The following MEF2C variants were observed in gnomAD, a reference collection of about 807,000 sequenced individuals.
The protein encoded by MEF2C is myocyte enhancer factor 2C.
MEF2C carries 6 observed loss-of-function variants against 50.5 expected under a neutral mutation model. The observed-to-expected ratio is 0.12, with a 90% CI of 0.07 to 0.23. MEF2C has a LOEUF of 0.23. Ranked by LOEUF, MEF2C falls within the 10% of genes least tolerant of loss-of-function variation. The pLI is 1.00. For synonymous variants in MEF2C, 183 were observed against 228.0 expected (o/e 0.80, Z 1.78); for missense variants, 276 against 605.0 (o/e 0.46, Z 5.70).
intron 1 of MEF2C, among the ~76,000 whole-genome samples, chr5:88,890,917 A>G (rs1331230675): frequency 2.6e-5 from 4 of 152,254 alleles, no homozygotes; most frequent in Admixed American, 1.3e-4. Context: ...AAGGTCCCCT[A>G]ACAGGGTCCA....
At chr5:88,751,186 C>T (rs1475549120) in intron 5 of MEF2C, 1 of 975,430 alleles carries the variant, frequency 1.0e-6, no homozygotes, top group African/African-American at 1.8e-5. Context: ...GTTCTAAGTA[C>T]TAAGAATGGA....
At chr5:88,877,858 A>C (rs1337075442) in intron 1 of MEF2C, 1 of 152,062 alleles carries the variant, frequency 6.6e-6, no homozygotes, top group Non-Finnish European at 1.5e-5. Flanking sequence ...TACTTTAAAA[A>C]AAACTGACAA....
At chr5:88,810,061 C>T (rs1802122063) in intron 2 of MEF2C, among the ~76,000 whole-genome samples, 1 of 152,106 alleles carries the variant, frequency 6.6e-6, no homozygotes, top group South Asian at 2.1e-4. Flanking sequence ...AGACTCTGAC[C>T]AGTGGCCACT....
At chr5:88,734,767 T>G (rs1763433456) in intron 6 of MEF2C, 1 of 981,632 alleles carries the variant, frequency 1.0e-6, no homozygotes, top group South Asian at 4.7e-5. Flanking sequence ...TTTAAAAGCC[T>G]TCTATTTTTC....
upstream of MEF2C, chr5:88,883,404 C>G (rs1243319756): frequency 6.6e-6 from 1 of 151,616 alleles, no homozygotes; most frequent in Non-Finnish European, 1.5e-5. Flanking sequence ...TAACCAGACT[C>G]GTCCAGAAAA....
rs772976462 is a variant in MEF2C at position 88,784,423 on chromosome 5, CAT to C, written c.258+20173_258+20174del. On this transcript the variant is annotated intron_variant, in intron 3 of 10. Transcript: ENST00000504921. ...GCCAATATTGATAAATTATGTATAA[CAT>C]ATAACTGTTTAAGATAAAATGCTAC... Among the ~76,000 whole-genome samples, 8 of 152,208 alleles carry C rather than the reference CAT, an allele frequency of 5.3e-5. No homozygotes were observed. In the South Asian group the frequency reaches 1.7e-3, roughly 32 times the overall value.
At chr5:88,833,164 A>G (rs1206429668) in intron 1 of MEF2C, among the ~76,000 whole-genome samples, 2 of 152,164 alleles carry the variant, frequency 1.3e-5, no homozygotes, top group African/African-American at 4.8e-5. Flanking sequence ...TATTCACTTA[A>G]TAACTGTATC....
intron 1 of MEF2C, among the ~76,000 whole-genome samples, chr5:88,861,164 C>A (rs377499013): frequency 6.6e-6 from 1 of 152,192 alleles, no homozygotes; most frequent in Non-Finnish European, 1.5e-5. Context: ...ATTTGCTTCA[C>A]CCTAGTGTTC....
chr5:88,750,785 T>G (rs1360389785), intron 5 of MEF2C, among the ~76,000 whole-genome samples: 1 of 152,238 alleles, frequency 6.6e-6, no homozygotes, highest in African/African-American at 2.4e-5. Context: ...GTATTTTCTA[T>G]ATAAAGCTTC....
At chr5:88,842,929 G>A (rs1430097504) in intron 1 of MEF2C, among the ~76,000 whole-genome samples, 1 of 152,140 alleles carries the variant, frequency 6.6e-6, no homozygotes, top group African/African-American at 2.4e-5. Context: ...ACAGTGAAAT[G>A]TCTGGACTGG....
intron 2 of MEF2C, among the ~76,000 whole-genome samples, chr5:88,821,656 C>T (rs1010923390): frequency 2.6e-5 from 4 of 151,668 alleles, no homozygotes; most frequent in African/African-American, 9.7e-5. Flanking sequence ...CACAGAAGGA[C>T]ACATTTTGCA....
chr5:88,874,093 G>C (rs1462306606), intron 1 of MEF2C, among the ~76,000 whole-genome samples: 1 of 151,892 alleles, frequency 6.6e-6, no homozygotes, highest in African/African-American at 2.4e-5. Context: ...CCTTAAAGAA[G>C]TAATTGTTTT....
At chr5:88,766,758 A>G (rs1451695481) in intron 3 of MEF2C, 2 of 985,458 alleles carry the variant, frequency 2.0e-6, no homozygotes, top group East Asian at 1.1e-4. Flanking sequence ...TCTTTACTTC[A>G]GAGGGTTGAT....
At chr5:88,740,688 A>C (rs1766245182) in intron 6 of MEF2C, 8 of 985,262 alleles carry the variant, frequency 8.1e-6, no homozygotes, top group East Asian at 1.1e-4. Flanking sequence ...AAAAAAAAAA[A>C]AAACCCAAAT....
intron 1 of MEF2C, among the ~76,000 whole-genome samples, chr5:88,880,371 TTAA>T (rs1433888529): frequency 6.6e-6 from 1 of 152,136 alleles, no homozygotes; most frequent in African/African-American, 2.4e-5. Context: ...AGAATTCTGT[TTAA>T]TAACTATGTC....
chr5:88,734,609 A>G, intron 6 of MEF2C: 1 of 811,534 alleles, frequency 1.2e-6, no homozygotes, highest in Non-Finnish European at 1.4e-6. Flanking sequence ...AGCATTTTCT[A>G]CAGTAAACTC....
At chr5:88,819,726 T>TCAATCAGGG (rs1488210732) in intron 2 of MEF2C, among the ~76,000 whole-genome samples, 2 of 152,004 alleles carry the variant, frequency 1.3e-5, no homozygotes, top group South Asian at 4.1e-4. Context: ...GTCCATAAAC[T>TCAATCAGGG]GTAGCCTACA....
chr5:88,758,708 G>A (rs527852620), intron 4 of MEF2C, among the ~76,000 whole-genome samples: 2 of 152,206 alleles, frequency 1.3e-5, no homozygotes, highest in South Asian at 2.1e-4. Flanking sequence ...GCTTTTCATC[G>A]TGAAGACTGA....
At chr5:88,741,851 A>C (rs1461697363) in intron 6 of MEF2C, 1 of 985,222 alleles carries the variant, frequency 1.0e-6, no homozygotes, top group Non-Finnish European at 1.2e-6. Context: ...TGGAGCAATA[A>C]TAAATAAACA....
Sources: gnomAD v4.1 joint callset for allele counts (sites outside exome capture counted in the v4.1 genomes callset) on GRCh38, gnomAD v4.1.1 for gene constraint, MANE v1.5 for transcripts, NCBI Gene and HGNC (gene_info 2026-07-23, HGNC 2026-07-21) for gene names.